Variants in EPHA7 observed in about 807,000 individuals in gnomAD.
EPHA7 encodes the protein EPH receptor A7.
A neutral mutation model predicts 112.6 loss-of-function variants in EPHA7; 25 were observed. The observed-to-expected ratio is 0.22, with a 90% CI of 0.16 to 0.31. The LOEUF (loss-of-function observed/expected upper bound fraction) is 0.31, where lower values mean the gene tolerates loss of function less well. Among genes scored for constraint, EPHA7 ranks in the 10% least tolerant of loss-of-function variants. EPHA7 has a pLI of 1.00. For missense variants in EPHA7, 962 were observed against 1,212.6 expected, an observed-to-expected ratio of 0.79 and a Z score of 3.07; for synonymous variants, 437 against 406.5, an observed-to-expected ratio of 1.07 and a Z score of -0.90.
chr6:93,248,601 G>A (rs1200526235), intron 14 of EPHA7, among the ~76,000 whole-genome samples: 1 of 151,726 alleles, frequency 6.6e-6, no homozygotes, highest in Non-Finnish European at 1.5e-5. Context: ...TTCAACTAAC[G>A]GCACATCCAG....
At chr6:93,343,520 A>G (rs1015050158) in intron 5 of EPHA7, among the ~76,000 whole-genome samples, 2 of 151,736 alleles carry the variant, frequency 1.3e-5, no homozygotes, top group African/African-American at 4.8e-5. Flanking sequence ...CTTCATTCCT[A>G]AAGGTTATGA....
intron 9 of EPHA7, 123 bp from the exon 10 acceptor site, chr6:93,259,602 C>T: frequency 8.5e-7 from 1 of 1,174,926 alleles, no homozygotes; most frequent in Non-Finnish European, 1.2e-6. Flanking sequence ...TCACCTGATT[C>T]ACAGCAGTTT....
rs890053644 is a variant in EPHA7 at position 93,416,938 on chromosome 6, T to G, written c.98-2171A>C. Among the ~76,000 whole-genome samples, 3 of 152,010 alleles carry G rather than the reference T, an allele frequency of 2.0e-5. No individual in the cohort carries two copies. The East Asian group carries it at 5.8e-4, about 30-fold the overall frequency. ...GCGCGCCAGCCGCGCCAAGCATCCATTACGCCTCTGCCAGACCTGGGCACT... is the reference window on the plus strand; with the variant it reads ...GCGCGCCAGCCGCGCCAAGCATCCAGTACGCCTCTGCCAGACCTGGGCACT... On this transcript the variant is annotated intron_variant, in intron 1 of 16. Transcript: ENST00000369303.
intron 5 of EPHA7, among the ~76,000 whole-genome samples, chr6:93,312,876 G>A (rs1050089647): frequency 1.8e-4 from 27 of 152,078 alleles, no homozygotes; most frequent in Non-Finnish European, 2.9e-5. Flanking sequence ...TCAAGGAATA[G>A]GAAAGCCCAA....
intron 5 of EPHA7, among the ~76,000 whole-genome samples, chr6:93,322,168 T>C (rs1402243458): frequency 6.6e-6 from 1 of 151,748 alleles, no homozygotes. Flanking sequence ...TGTATACACA[T>C]ATATACAGAT....
In EPHA7 at chr6:93,258,128, A is replaced by G; in HGVS notation, c.2081T>C (p.Val694Ala). ...TGTAACAACCCCTTCCAAATGGACA[A>G]CATTCGGGTGGTCAAACTGCCCCAT... ...SIMGQFDHPNVVHLEGVVTRG... is the reference protein window; with the variant it reads ...SIMGQFDHPNAVHLEGVVTRG... The change falls in exon 11 of 17, where the codon GTT (valine) becomes GCT (alanine). Residue 694 changes from valine (V) to alanine (A), a missense_variant. Transcript: ENST00000369303. 6.2e-7 allele frequency: 1 copy of G among 1,613,492 alleles called. No individual in the cohort carries two copies. Among genetic ancestry groups the G allele is most frequent in the Non-Finnish European group, 8.5e-7 (1 of 1,179,656 alleles).
intron 5 of EPHA7, among the ~76,000 whole-genome samples, chr6:93,330,850 C>G (rs1193680117): frequency 2.0e-5 from 3 of 151,318 alleles, no homozygotes; most frequent in African/African-American, 7.3e-5. Flanking sequence ...TTACTTTTCT[C>G]TTTTTTATGT....
chr6:93,359,465 A>G (rs1776132004), intron 3 of EPHA7, among the ~76,000 whole-genome samples: 1 of 151,812 alleles, frequency 6.6e-6, no homozygotes, highest in South Asian at 2.1e-4. Context: ...AGCTAAAAGA[A>G]AATCATATCT....
At chr6:93,291,037 C>A (rs1772332900) in intron 5 of EPHA7, among the ~76,000 whole-genome samples, 1 of 152,040 alleles carries the variant, frequency 6.6e-6, no homozygotes. Flanking sequence ...AAATCACTGA[C>A]CAAGAAATCC....
chr6:93,272,527 A>G (rs1297827321), intron 5 of EPHA7, 105 bp from the exon 6 acceptor site: 3 of 1,370,164 alleles, frequency 2.2e-6, no homozygotes, highest in South Asian at 2.6e-5. Flanking sequence ...TCATTAAGGT[A>G]AAAGAAAGCA....
chr6:93,290,013 A>G (rs943771283), intron 5 of EPHA7, among the ~76,000 whole-genome samples: 2 of 152,154 alleles, frequency 1.3e-5, no homozygotes, highest in Admixed American at 6.5e-5. Flanking sequence ...TATACACAAC[A>G]TGCATCTTCT....
chr6:93,267,017 C>A (rs906887154), intron 7 of EPHA7, among the ~76,000 whole-genome samples: 2 of 151,636 alleles, frequency 1.3e-5, no homozygotes, highest in African/African-American at 2.4e-5. Context: ...TTTACTCTCA[C>A]TTGCTTATGA....
intron 3 of EPHA7, among the ~76,000 whole-genome samples, chr6:93,392,334 A>ACCT (rs1372840602): frequency 1.3e-5 from 2 of 151,930 alleles, no homozygotes; most frequent in Non-Finnish European, 2.9e-5. Context: ...AGGGATGGTT[A>ACCT]CCTTTTCAGT....
At chr6:93,334,450 G>A (rs1774756694) in intron 5 of EPHA7, among the ~76,000 whole-genome samples, 1 of 151,894 alleles carries the variant, frequency 6.6e-6, no homozygotes, top group Admixed American at 6.6e-5. Context: ...AGAGTAAACA[G>A]ACAACCTACA....
At chr6:93,371,535 A>G (rs765976852) in intron 3 of EPHA7, among the ~76,000 whole-genome samples, 9 of 152,340 alleles carry the variant, frequency 5.9e-5, no homozygotes, top group Non-Finnish European at 1.2e-4. Flanking sequence ...GACAAGCGCT[A>G]CAAAGTATTA....
intron 5 of EPHA7, among the ~76,000 whole-genome samples, chr6:93,328,623 A>G (rs1774439840): frequency 1.3e-5 from 2 of 151,426 alleles, no homozygotes; most frequent in Admixed American, 1.3e-4. Flanking sequence ...TGACTTTATT[A>G]TCTTGGATAC....
chr6:93,259,376 T>G lies in EPHA7; in HGVS notation c.1902A>C (p.Lys634Asn), dbSNP rs1239820687. Residue 634 changes from lysine to asparagine, a missense_variant, in exon 10 of 17, where the codon AAA becomes AAC. Physicochemically the swap from Lys to Asn is moderately conservative, Grantham distance 94. Transcript: ENST00000369303. ...TACCTGCACCAATCACACGCTCAAT[T>G]TTAATACAGGAGGCATCTAGCTCCT... ...FAKELDASCI[K>N]IERVIGAGEF... 1 of 1,611,968 alleles carries G rather than the reference T, an allele frequency of 6.2e-7. No homozygotes were observed. The highest frequency in any genetic ancestry group is 8.5e-7 in the Non-Finnish European group (1 of 1,178,436).
At chr6:93,260,714 A>T in intron 9 of EPHA7, 1 of 981,044 alleles carries the variant, frequency 1.0e-6, no homozygotes, top group Non-Finnish European at 1.2e-6. Context: ...TTTATCCAAA[A>T]TTGATTGTCT....
chr6:93,307,122 C>T (rs1296169050), intron 5 of EPHA7, among the ~76,000 whole-genome samples: 1 of 151,866 alleles, frequency 6.6e-6, no homozygotes, highest in African/African-American at 2.4e-5. Flanking sequence ...CCCATCTAAA[C>T]TGCATCTCTT....
Sources: gnomAD v4.1 joint callset for allele counts (sites outside exome capture counted in the v4.1 genomes callset) on GRCh38, gnomAD v4.1.1 for gene constraint, MANE v1.5 for transcripts, NCBI Gene and HGNC (gene_info 2026-07-23, HGNC 2026-07-21) for gene names.